Variants in PPP6R1 observed in about 807,000 individuals in gnomAD.
PPP6R1 encodes the protein serine/threonine-protein phosphatase 6 regulatory subunit 1.
PPP6R1 carries 39 observed loss-of-function variants against 104.6 expected under a neutral mutation model. That is an observed-to-expected ratio of 0.37 (90% CI 0.29 to 0.49). PPP6R1 has a LOEUF of 0.49. PPP6R1 is among the 20% of genes least tolerant of loss of function. The pLI is 0.98. For missense variants in PPP6R1, 1,181 were observed against 1,155.8 expected (o/e 1.02, Z -0.32); for synonymous variants, 549 against 479.0 (o/e 1.15, Z -1.91).
At chr19:55,234,907 GACA>G (rs2087382522) in intron 17 of PPP6R1, among the ~76,000 whole-genome samples, 1 of 152,176 alleles carries the variant, frequency 6.6e-6, no homozygotes, top group Admixed American at 6.5e-5. Flanking sequence ...TAGAAGCCAG[GACA>G]ACTTTACCCT....
Position 55,238,077 on chromosome 19 carries a change from TAA to T in PPP6R1, c.1752-1109_1752-1108del, listed in dbSNP as rs559914247. On this transcript the variant is annotated intron_variant, in intron 15 of 23. Transcript: ENST00000412770. ...GGGTTTTCTTCTTTTTTTTTTTAAT[TAA>T]AAAAGCAGAGATGGTCTCACAATGT... Among the ~76,000 whole-genome samples the T allele has an allele frequency of 1.3e-3, 205 of 152,020 alleles. 1 individual carries two copies. Among genetic ancestry groups the T allele is most frequent in the Admixed American group, 1.9e-3 (29 of 15,274 alleles).
intron 1 of PPP6R1, among the ~76,000 whole-genome samples, chr19:55,254,275 T>A (rs2087575922): frequency 6.6e-6 from 1 of 152,112 alleles, no homozygotes. Flanking sequence ...AAACCATGAG[T>A]CTGGCTGCAA....
intron 1 of PPP6R1, among the ~76,000 whole-genome samples, chr19:55,249,841 GA>G (rs1174291881): frequency 1.5e-3 from 217 of 144,410 alleles, no homozygotes; most frequent in Middle Eastern, 7.1e-3. Context: ...CTCTGTCTCG[GA>G]AAAAAAAAAA....
rs747668904 is a variant in PPP6R1 at position 55,245,460 on chromosome 19, C to A, written c.414+32G>T. On this transcript the variant is annotated intron_variant, in intron 3 of 23. Coordinates refer to ENST00000412770, the MANE Select transcript of PPP6R1 (RefSeq NM_014931.4). The surrounding 1 kb of genome is among the most constrained non-coding windows in gnomAD (Gnocchi z 6.4). ...CCTGGCCCAGCCACCACCCCTCAAC[C>A]CACGGTGGCGCCAGGGTGGGGGCCA... is the stretch of plus-strand genomic sequence containing the variant. The A allele has an allele frequency of 3.7e-6, 6 of 1,610,876 alleles. No homozygotes were observed. The highest frequency in any genetic ancestry group is 1.1e-5 in the South Asian group (1 of 90,572).
intron 1 of PPP6R1, among the ~76,000 whole-genome samples, chr19:55,253,383 T>TG (rs2087568501): frequency 6.6e-6 from 1 of 152,230 alleles, no homozygotes; most frequent in Admixed American, 6.5e-5. Context: ...GGCACAGGCA[T>TG]GGCCCTCGGC....
At position 55,240,250 on chromosome 19, in the gene PPP6R1, C is replaced by G; in HGVS notation, c.1347G>C (p.Glu449Asp). The G allele has an allele frequency of 6.3e-7, 1 of 1,593,190 alleles. No individual in the cohort carries two copies. The highest frequency in any genetic ancestry group is 1.7e-5 in the Admixed American group (1 of 57,428). The change falls in exon 11 of 24, where the codon GAG becomes GAC. Residue 449 changes from glutamate (E) to aspartate (D), a missense_variant. Physicochemically the swap from Glu to Asp is conservative, Grantham distance 45 (BLOSUM62 2). Coordinates refer to ENST00000412770, the MANE Select transcript of PPP6R1 (RefSeq NM_014931.4). The stretch of plus-strand genomic sequence containing the variant: ...CAGGTGCTCACTGTACACGGTCGTT[C>G]TCCTCCCAGGACGTCAGGATCCGCT... ...LVERILTSWE[E>D]NDRVQCAGGP...
intron 15 of PPP6R1, among the ~76,000 whole-genome samples, chr19:55,237,255 G>A (rs576975227): frequency 2.0e-5 from 3 of 152,208 alleles, no homozygotes; most frequent in South Asian, 2.1e-4. Context: ...AATGTTAAGC[G>A]ACTCTCCTCA....
At chr19:55,258,105 CG>C (rs1433133796) in intron 1 of PPP6R1, among the ~76,000 whole-genome samples, 2 of 152,118 alleles carry the variant, frequency 1.3e-5, no homozygotes, top group Non-Finnish European at 2.9e-5. Context: ...CCTGGGGGGC[CG>C]GGGAACCGGC....
At position 55,241,112 on chromosome 19, in the gene PPP6R1, GC is replaced by G. The variant is rs1271338349; in HGVS notation, c.1162-34del. ...AGGACACAGGATTGGTACCAGAGAG[GC>G]CCCGCCCCAGCCGAGCCCCCAACCC... On this transcript the variant is annotated intron_variant, in intron 9 of 23. Coordinates refer to ENST00000412770, the MANE Select transcript of PPP6R1 (RefSeq NM_014931.4). This position sits in a 1 kb window ranked among gnomAD's most constrained non-coding sequence, Gnocchi z 5.4. 3.2e-6 allele frequency: 5 copies of G among 1,542,460 alleles called. No individual in the cohort carries two copies. Among genetic ancestry groups the G allele is most frequent in the Non-Finnish European group, 3.5e-6 (4 of 1,143,540 alleles).
intron 17 of PPP6R1, 39 bp from the exon 18 acceptor site, chr19:55,232,250 C>A: frequency 2.0e-6 from 3 of 1,508,176 alleles, no homozygotes; most frequent in Non-Finnish European, 2.7e-6. Flanking sequence ...CTGTGTGGGA[C>A]AGACCGGCCG....
chr19:55,245,333 T>C lies in PPP6R1; in HGVS notation c.484A>G (p.Ile162Val), dbSNP rs760482521. Residue 162 changes from isoleucine (I) to valine (V), a missense_variant, in exon 4 of 24, where the codon ATC becomes GTC. Physicochemically the swap from Ile to Val is conservative, Grantham distance 29. Around this residue, in one of 2 missense-constraint regions of PPP6R1, gnomAD observed 1,042 missense variants for 955.6 expected, o/e 1.09. Transcript: ENST00000412770. This position sits in a 1 kb window ranked among gnomAD's most constrained non-coding sequence, Gnocchi z 6.4. ...AGCAGGCGCAGCAGGAGGTCCATGA[T>C]GGCCGAGGTGCCAATGTGCTGCAGC... Reference protein sequence around the residue: ...LLLQHIGTSAIMDLLLRLLTC... With the variant: ...LLLQHIGTSAVMDLLLRLLTC... 8.1e-6 allele frequency: 13 copies of C among 1,610,998 alleles called. No homozygotes were observed. Among genetic ancestry groups the C allele is most frequent in the South Asian group, 5.5e-5 (5 of 90,504 alleles).
chr19:55,257,444 A>G (rs533986267), intron 1 of PPP6R1, among the ~76,000 whole-genome samples: 1 of 152,266 alleles, frequency 6.6e-6, no homozygotes, highest in South Asian at 2.1e-4. Context: ...AAAGACCCCA[A>G]CCAGAGGTCC....
At chr19:55,228,879 T>C, downstream of PPP6R1, 1 of 874,498 alleles carries the variant, frequency 1.1e-6, no homozygotes, top group Admixed American at 2.2e-5. Context: ...AGGGAGATGT[T>C]GTCCTCACCC....
At position 55,240,514 on chromosome 19, in the gene PPP6R1, TACACACACACACACAC is replaced by T. The variant is rs777717878; in HGVS notation, c.1297-230_1297-215del. Among the ~76,000 whole-genome samples, 95 of 136,018 alleles carry T rather than the reference TACACACACACACACAC, an allele frequency of 7.0e-4. 1 individual carries two copies. In the East Asian group the frequency reaches 0.013, roughly 18 times the overall value. 89.2% of individuals were successfully genotyped at this position (136,018 alleles called of 152,430 possible). A position where few individuals can be genotyped will look rare whatever the true frequency, so the allele number is the denominator to read the frequency against. ...TTTCTACAAAAGAATATGTGGTGCA[TACACACACACACACAC>T]ACACACACACACACACACACACACA... On this transcript the variant is annotated intron_variant, in intron 10 of 23. Transcript: ENST00000412770.
chr19:55,254,581 C>T (rs2087578780), intron 1 of PPP6R1, among the ~76,000 whole-genome samples: 1 of 152,196 alleles, frequency 6.6e-6, no homozygotes, highest in South Asian at 2.1e-4. Context: ...TCACCCCTTC[C>T]CAACCTGCGC....
rs538914284 is a variant in PPP6R1 at position 55,233,926 on chromosome 19, G to T, written c.1989-1715C>A. On this transcript the variant is annotated intron_variant, in intron 17 of 23. Transcript: ENST00000412770. ...AACAATCTTTAAAAAGAAGAACAAGGTTGGAAAACTAAAACCTCCCATTTT... is the reference window on the plus strand; with the variant it reads ...AACAATCTTTAAAAAGAAGAACAAGTTTGGAAAACTAAAACCTCCCATTTT... 4.6e-5 allele frequency among the ~76,000 whole-genome samples: 7 copies of T among 152,240 alleles called. No individual in the cohort carries two copies. In the South Asian group the frequency reaches 1.2e-3, roughly 27 times the overall value.
At chr19:55,239,359 C>A in intron 15 of PPP6R1, 46 bp downstream of exon 15, 1 of 1,557,930 alleles carries the variant, frequency 6.4e-7, no homozygotes, top group Non-Finnish European at 8.8e-7. Flanking sequence ...GCGCCTGCTG[C>A]TGCAGAGGCA....
At chr19:55,254,254 C>A (rs949372032) in intron 1 of PPP6R1, among the ~76,000 whole-genome samples, 4 of 152,240 alleles carry the variant, frequency 2.6e-5, no homozygotes, top group African/African-American at 9.6e-5. Flanking sequence ...TAGTTTTTAG[C>A]TACCGTTTGA....
chr19:55,250,806 C>T (rs1416513438), intron 1 of PPP6R1, among the ~76,000 whole-genome samples: 1 of 152,146 alleles, frequency 6.6e-6, no homozygotes, highest in African/African-American at 2.4e-5. Context: ...CTTCTGCCTG[C>T]ATGACCACCA....
Sources: allele counts gnomAD v4.1 joint callset (sites outside exome capture counted in the v4.1 genomes callset), GRCh38; gene constraint gnomAD v4.1.1; regional missense constraint gnomAD v4.1.1; non-coding constraint Gnocchi (gnomAD v3.1); transcripts MANE v1.5; gene names NCBI Gene and HGNC (gene_info 2026-07-23, HGNC 2026-07-21).